The following RWDD2B variants were observed in gnomAD, a reference collection of about 807,000 sequenced individuals.
RWDD2B encodes the protein RWD domain containing 2B.
Under a neutral mutation model 33.6 loss-of-function variants are expected in RWDD2B, and 36 were observed. The ratio of observed to expected loss-of-function variants is 1.07; its 90% CI spans 0.82 to 1.42. The LOEUF is 1.42. Among genes scored for constraint, RWDD2B ranks in the 40% most tolerant of loss-of-function variants. RWDD2B has a pLI of 0.00. For synonymous variants in RWDD2B, 126 were observed against 133.1 expected, an observed-to-expected ratio of 0.95 and a Z score of 0.37; for missense variants, 364 against 377.5, an observed-to-expected ratio of 0.96 and a Z score of 0.30.
At chr21:29,012,397 C>T (rs1487943654) in intron 1 of RWDD2B, among the ~76,000 whole-genome samples, 3 of 152,092 alleles carry the variant, frequency 2.0e-5, no homozygotes, top group African/African-American at 7.2e-5. Context: ...AAGAGGTAGA[C>T]ATGGGAGACT....
intron 1 of RWDD2B, among the ~76,000 whole-genome samples, chr21:29,009,274 A>G (rs947748924): frequency 2.0e-5 from 3 of 152,022 alleles, no homozygotes; most frequent in African/African-American, 7.3e-5. Context: ...TTGTAGAAAC[A>G]AGGTCTTGCT....
rs1463800987 is a variant in RWDD2B at position 29,011,559 on chromosome 21, C to T, written c.68-2938G>A. On this transcript the variant is annotated intron_variant, in intron 1 of 4. Coordinates refer to ENST00000493196, the MANE Select transcript of RWDD2B (RefSeq NM_016940.3). ...GGTGGGGGGGGGTCAGCCCCCCGCC[C>T]GGCCAGCCGCCCCTTCCGGGAGGGA... Among the ~76,000 whole-genome samples the T allele has an allele frequency of 8.8e-5, 13 of 147,726 alleles. 1 individual carries two copies. The highest frequency in any genetic ancestry group is 1.5e-4 in the African/African-American group (6 of 40,020).
chr21:29,014,661 A>T (rs1016684372), intron 1 of RWDD2B, among the ~76,000 whole-genome samples: 5 of 152,068 alleles, frequency 3.3e-5, no homozygotes, highest in African/African-American at 1.2e-4. Context: ...CTCTACTAAA[A>T]ATACAAAAAA....
At chr21:29,015,934 A>G (rs946622260) in intron 1 of RWDD2B, among the ~76,000 whole-genome samples, 11 of 152,184 alleles carry the variant, frequency 7.2e-5, no homozygotes, top group Admixed American at 3.3e-4. Flanking sequence ...TTAAACTGTG[A>G]ATTTCCAAGA....
intron 1 of RWDD2B, 106 bp from the exon 2 acceptor site, chr21:29,008,727 T>G (rs1225994931): frequency 1.4e-6 from 1 of 734,278 alleles, no homozygotes; most frequent in Non-Finnish European, 2.2e-6. Flanking sequence ...CTTCATAAAT[T>G]GTACAATTTA....
Position 29,008,460 on chromosome 21 carries a change from C to G in RWDD2B, c.229G>C (p.Glu77Gln). 1 of 1,614,212 alleles carries G rather than the reference C, an allele frequency of 6.2e-7. No individual in the cohort carries two copies. Among genetic ancestry groups the G allele is most frequent in the Non-Finnish European group, 8.5e-7 (1 of 1,180,038 alleles). The change falls in exon 2 of 5, where the codon GAG (glutamate) becomes CAG (glutamine). Residue 77 changes from glutamate (E) to glutamine (Q), a missense_variant. By Grantham distance (29) the Glu-to-Gln change is conservative. Transcript: ENST00000493196. ...LKDCIEKKTM[E>Q]GRSSKVYFTI... is the part of the protein sequence containing the mutation. ...AAGTAGACTTTTGAAGATCGCCCCTCCATTGTCTTCTTTTCAATACAATCT... is the reference window on the plus strand; with the variant it reads ...AAGTAGACTTTTGAAGATCGCCCCTGCATTGTCTTCTTTTCAATACAATCT...
At chr21:29,019,146 T>C (rs2084903420) in intron 1 of RWDD2B, 65 bp downstream of exon 1, 2 of 1,348,170 alleles carry the variant, frequency 1.5e-6, no homozygotes, top group African/African-American at 1.4e-5. Flanking sequence ...AGGGTTGCAC[T>C]GGGCGCTGCA....
intron 1 of RWDD2B, among the ~76,000 whole-genome samples, chr21:29,012,176 A>AGC (rs1355100539): frequency 3.7e-5 from 1 of 26,936 alleles, no homozygotes; most frequent in Non-Finnish European, 7.5e-5. Flanking sequence ...GGGGGTGGTC[A>AGC]GCCCCCCCCC....
intron 1 of RWDD2B, among the ~76,000 whole-genome samples, chr21:29,016,727 C>T (rs908065459): frequency 7.2e-5 from 11 of 152,152 alleles, no homozygotes; most frequent in African/African-American, 2.4e-4. Context: ...GTTGGCGTGG[C>T]TCTGTTACCA....
intron 1 of RWDD2B, among the ~76,000 whole-genome samples, chr21:29,015,686 C>T (rs1601024488): frequency 6.6e-6 from 1 of 151,938 alleles, no homozygotes; most frequent in African/African-American, 2.4e-5. Context: ...TTCGCCACCA[C>T]GCCCAGCTAA....
At chr21:29,011,961 C>T (rs1227598908) in intron 1 of RWDD2B, among the ~76,000 whole-genome samples, 1 of 125,802 alleles carries the variant, frequency 7.9e-6, no homozygotes, top group African/African-American at 3.1e-5. Flanking sequence ...GCCCCCGACC[C>T]GGCCAGCCGC....
At chr21:29,006,795 A>T (rs1380006148) in intron 4 of RWDD2B, 144 bp from the exon 5 acceptor site, 1 of 610,206 alleles carries the variant, frequency 1.6e-6, no homozygotes, top group African/African-American at 1.9e-5. Context: ...TTATTGATTT[A>T]GTAGAGGCAG....
chr21:29,007,156 TAC>T (rs2084832544), intron 4 of RWDD2B, among the ~76,000 whole-genome samples: 1 of 152,222 alleles, frequency 6.6e-6, no homozygotes, highest in Non-Finnish European at 1.5e-5. Context: ...TCACAGGGTA[TAC>T]AGTTTGCAGC....
intron 1 of RWDD2B, among the ~76,000 whole-genome samples, chr21:29,010,620 T>TTA (rs1555851323): frequency 1.7e-5 from 2 of 118,886 alleles, no homozygotes; most frequent in Non-Finnish European, 3.6e-5. Flanking sequence ...AAAATAAAAA[T>TTA]AAAAAAAAAA....
rs2084826156 is a variant in RWDD2B, at chr21:29,005,916, G to A, written c.*501C>T. The stretch of plus-strand genomic sequence containing the variant: ...CTCCAGCTCCAGTCATCACTTTGGT[G>A]TTTATGGCAGTAAGGGGGGGAGGAG... On this transcript the variant is annotated 3_prime_UTR_variant, in exon 5 of 5. Transcript: ENST00000493196. 6.5e-6 allele frequency: 1 copy of A among 152,742 alleles called. No homozygotes were observed. The highest frequency in any genetic ancestry group is 2.4e-5 in the African/African-American group (1 of 41,428). 9.5% of individuals were successfully genotyped at this position (152,742 alleles called of 1,614,324 possible).
intron 1 of RWDD2B, among the ~76,000 whole-genome samples, chr21:29,010,620 TA>T (rs757933131): frequency 3.4e-5 from 4 of 118,890 alleles, no homozygotes; most frequent in Non-Finnish European, 5.4e-5. Context: ...AAAATAAAAA[TA>T]AAAAAAAAAA....
chr21:29,017,722 A>G (rs2084897248), intron 1 of RWDD2B, among the ~76,000 whole-genome samples: 1 of 152,226 alleles, frequency 6.6e-6, no homozygotes, highest in Non-Finnish European at 1.5e-5. Context: ...GACTGCACAC[A>G]GCATTGTCAG....
At position 29,009,392 on chromosome 21, in the gene RWDD2B, G is replaced by GTTT. The variant is rs11317441; in HGVS notation, c.68-774_68-772dup. Among the ~76,000 whole-genome samples, 329 of 116,146 alleles carry GTTT rather than the reference G, an allele frequency of 2.8e-3. 2 individuals are homozygous for GTTT. The highest frequency in any genetic ancestry group is 9.1e-3 in the African/African-American group (296 of 32,572). The allele number at this position is 116,146 out of a possible 152,430, so 76.2% of individuals were successfully genotyped here. A position where few individuals can be genotyped will look rare whatever the true frequency, so the allele number is the denominator to read the frequency against. ...GAGCCACTGTGCATGGCATTTATTA[G>GTTT]TTTTTTTTTTTTTTTTTTTGAAACG... On this transcript the variant is annotated intron_variant, in intron 1 of 4. Coordinates refer to ENST00000493196, the MANE Select transcript of RWDD2B (RefSeq NM_016940.3).
Position 29,004,420 on chromosome 21 carries a change from C to T in RWDD2B, c.*1997G>A, listed in dbSNP as rs1000487508. On this transcript the variant is annotated 3_prime_UTR_variant, in exon 5 of 5. Transcript: ENST00000493196. ...GTGTTTATGTGACATTTGAGATCTG[C>T]ATATTATACATAGCAATCTGGTTTT... 2.0e-5 allele frequency: 3 copies of T among 152,200 alleles called. No individual in the cohort carries two copies. The highest frequency in any genetic ancestry group is 2.9e-5 in the Non-Finnish European group (2 of 68,030). 9.4% of individuals were successfully genotyped at this position (152,200 alleles called of 1,614,324 possible).
Sources: allele counts gnomAD v4.1 joint callset (sites outside exome capture counted in the v4.1 genomes callset), GRCh38; gene constraint gnomAD v4.1.1; transcripts MANE v1.5; gene names NCBI Gene and HGNC (gene_info 2026-07-23, HGNC 2026-07-21).